The following SYT1 variants were observed in gnomAD, a reference collection of about 807,000 sequenced individuals.
SYT1 encodes synaptotagmin 1.
A neutral mutation model predicts 44.8 loss-of-function variants in SYT1; 8 were observed. The ratio of observed to expected loss-of-function variants is 0.18; its 90% CI spans 0.10 to 0.32. The LOEUF (loss-of-function observed/expected upper bound fraction) is 0.32, where lower values mean the gene tolerates loss of function less well. SYT1 is among the 10% of genes least tolerant of loss of function. SYT1 has a pLI of 1.00. For missense variants in SYT1, 286 were observed against 509.3 expected, an observed-to-expected ratio of 0.56 and a Z score of 4.22; for synonymous variants, 154 against 188.8, an observed-to-expected ratio of 0.82 and a Z score of 1.51.
At chr12:79,349,055 A>G (rs1882765477) in intron 8 of SYT1, among the ~76,000 whole-genome samples, 1 of 135,756 alleles carries the variant, frequency 7.4e-6, no homozygotes, top group Non-Finnish European at 1.6e-5. Flanking sequence ...GAAAGAAAGA[A>G]AGGAGGGAGG....
chr12:79,117,942 A>G lies in SYT1; in HGVS notation c.-18+70580A>G, dbSNP rs531658853. On this transcript the variant is annotated intron_variant, in intron 3 of 10. Transcript: ENST00000261205. ...GTTCAGAAATTTTCCACAAATGGCT[A>G]TCATCAATTTAAAATAGCTATGTTT... Among the ~76,000 whole-genome samples, 16 of 151,900 alleles carry G rather than the reference A, an allele frequency of 1.1e-4. No individual in the cohort carries two copies. The South Asian group carries it at 2.5e-3, about 24-fold the overall frequency.
At chr12:79,352,022 G>C (rs1477621376) in intron 8 of SYT1, among the ~76,000 whole-genome samples, 1 of 152,092 alleles carries the variant, frequency 6.6e-6, no homozygotes, top group East Asian at 1.9e-4. Context: ...GGGGACTCAA[G>C]AAATGAAACA....
At chr12:79,160,377 T>C (rs1870874780) in intron 3 of SYT1, among the ~76,000 whole-genome samples, 1 of 151,992 alleles carries the variant, frequency 6.6e-6, no homozygotes, top group Admixed American at 6.6e-5. Context: ...TGCATCTAAG[T>C]GATGTGGTCA....
intron 9 of SYT1, among the ~76,000 whole-genome samples, chr12:79,377,918 ATTCTTAT>A (rs1884067029): frequency 6.6e-6 from 1 of 152,118 alleles, no homozygotes; most frequent in Non-Finnish European, 1.5e-5. Flanking sequence ...CCAAAATTAT[ATTCTTAT>A]TTCTTAAGTT....
At chr12:79,288,913 C>G (rs1204288444) in intron 5 of SYT1, among the ~76,000 whole-genome samples, 1 of 152,056 alleles carries the variant, frequency 6.6e-6, no homozygotes, top group South Asian at 2.1e-4. Context: ...ACCTGGGGCT[C>G]CACAGCTGAG....
At chr12:79,393,827 T>C (rs1884766686) in intron 9 of SYT1, 1 of 152,236 alleles carries the variant, frequency 6.6e-6, no homozygotes, top group Non-Finnish European at 1.5e-5. Flanking sequence ...TTTGTCTATT[T>C]TGGCTTTTGT....
chr12:79,206,058 T>C (rs1442819180), intron 3 of SYT1, among the ~76,000 whole-genome samples: 2 of 152,202 alleles, frequency 1.3e-5, no homozygotes, highest in Non-Finnish European at 2.9e-5. Context: ...AATGGTTTCA[T>C]ATAATTTGAA....
intron 1 of SYT1, among the ~76,000 whole-genome samples, chr12:78,873,017 C>A (rs1173694830): frequency 2.6e-5 from 4 of 151,684 alleles, no homozygotes; most frequent in Non-Finnish European, 4.4e-5. Context: ...TCTTTATTTT[C>A]TATTTTGCCA....
chr12:78,874,741 T>C (rs1873979716), intron 1 of SYT1, among the ~76,000 whole-genome samples: 1 of 151,588 alleles, frequency 6.6e-6, no homozygotes. Context: ...GCTCACACCA[T>C]GTGGTCAGAA....
chr12:79,192,139 T>C (rs1343754225), intron 3 of SYT1, among the ~76,000 whole-genome samples: 1 of 152,010 alleles, frequency 6.6e-6, no homozygotes, highest in South Asian at 2.1e-4. Context: ...AGGAAAGAGA[T>C]TGAAGGTCTA....
intron 1 of SYT1, among the ~76,000 whole-genome samples, chr12:78,946,783 A>G (rs749360845): frequency 6.6e-6 from 1 of 152,200 alleles, no homozygotes; most frequent in Non-Finnish European, 1.5e-5. Flanking sequence ...CAGTAAATCT[A>G]TAGTGCCTAT....
chr12:79,174,610 A>T (rs1871745856), intron 3 of SYT1, among the ~76,000 whole-genome samples: 1 of 152,042 alleles, frequency 6.6e-6, no homozygotes, highest in Admixed American at 6.6e-5. Context: ...AGATCTAGGT[A>T]AGAAAAGGGA....
chr12:79,138,221 A>C (rs1211821866), intron 3 of SYT1, among the ~76,000 whole-genome samples: 1 of 152,200 alleles, frequency 6.6e-6, no homozygotes. Context: ...TAAAATACAC[A>C]GAAAAAACTA....
intron 3 of SYT1, among the ~76,000 whole-genome samples, chr12:79,055,174 A>G (rs74110120): frequency 2.0e-5 from 3 of 152,124 alleles, no homozygotes; most frequent in African/African-American, 7.2e-5. Flanking sequence ...CTTTGTTTAT[A>G]TAAGTGTCTT....
chr12:79,204,536 G>A (rs554602608), intron 3 of SYT1, among the ~76,000 whole-genome samples: 5 of 152,258 alleles, frequency 3.3e-5, no homozygotes, highest in Admixed American at 1.3e-4. Flanking sequence ...ACTGAGAGCC[G>A]ATTGGCTTGC....
intron 9 of SYT1, among the ~76,000 whole-genome samples, chr12:79,400,817 G>C (rs1163497121): frequency 6.6e-6 from 1 of 152,276 alleles, no homozygotes; most frequent in East Asian, 1.9e-4. Context: ...TAGTGCATTT[G>C]GTTTCCATGG....
chr12:79,268,512 T>G (rs1425599309), intron 4 of SYT1, among the ~76,000 whole-genome samples: 2 of 152,162 alleles, frequency 1.3e-5, no homozygotes, highest in Non-Finnish European at 2.9e-5. Context: ...GATGAGTGAA[T>G]GAATGAGTGA....
At chr12:78,962,322 A>G (rs999426359) in intron 1 of SYT1, among the ~76,000 whole-genome samples, 7 of 150,054 alleles carry the variant, frequency 4.7e-5, no homozygotes, top group Non-Finnish European at 1.0e-4. Context: ...ATCATTCAAT[A>G]GCATTCTTTC....
At chr12:78,973,228 G>A (rs1283843490) in intron 1 of SYT1, among the ~76,000 whole-genome samples, 1 of 152,136 alleles carries the variant, frequency 6.6e-6, no homozygotes, top group African/African-American at 2.4e-5. Flanking sequence ...ATTAACATAT[G>A]CATTACCTCA....
Sources: gnomAD v4.1 joint callset for allele counts (sites outside exome capture counted in the v4.1 genomes callset) on GRCh38, gnomAD v4.1.1 for gene constraint, MANE v1.5 for transcripts, NCBI Gene and HGNC (gene_info 2026-07-23, HGNC 2026-07-21) for gene names.